The following THAP4 variants were observed in gnomAD, a reference collection of about 807,000 sequenced individuals.
THAP4 encodes peroxynitrite isomerase THAP4.
Under a neutral mutation model 48.1 loss-of-function variants are expected in THAP4, and 18 were observed. The observed-to-expected ratio is 0.37, with a 90% CI of 0.26 to 0.56. The LOEUF (loss-of-function observed/expected upper bound fraction) is 0.56. Ranked by LOEUF, THAP4 falls within the 20% of genes least tolerant of loss-of-function variation. THAP4 has a pLI of 0.78. For missense variants in THAP4, 656 were observed against 774.9 expected (o/e 0.85, Z 1.82); for synonymous variants, 345 against 324.9 (o/e 1.06, Z -0.66).
chr2:241,586,128 G>A (rs1306798970), intron 5 of THAP4, among the ~76,000 whole-genome samples: 2 of 150,812 alleles, frequency 1.3e-5, no homozygotes, highest in African/African-American at 4.9e-5. Context: ...GTGGTGGCGG[G>A]TGCCTGTAGT....
upstream of THAP4, chr2:241,637,461 G>A (rs776326800): frequency 2.7e-6 from 4 of 1,464,630 alleles, no homozygotes; most frequent in South Asian, 1.3e-5. Context: ...ATGGCACACA[G>A]TGTCCCGTCG....
At chr2:241,606,284 A>C (rs1334964286) in intron 3 of THAP4, 30 bp downstream of exon 3, 1 of 1,527,798 alleles carries the variant, frequency 6.5e-7, no homozygotes, top group Non-Finnish European at 8.8e-7. Flanking sequence ...CCATGAGTCA[A>C]GCAGGGTGGG....
rs780806360 is a variant in THAP4, at chr2:241,633,856, G to A, written c.301C>T (p.Arg101Trp). The A allele has an allele frequency of 6.2e-6, 10 of 1,613,602 alleles. No individual in the cohort carries two copies. The highest frequency in any genetic ancestry group is 4.0e-5 in the African/African-American group (3 of 74,924). Residue 101 changes from arginine to tryptophan, a missense_variant, in exon 2 of 6, where the codon CGG becomes TGG. Transcript: ENST00000407315. The surrounding 1 kb of genome is among the most constrained non-coding windows in gnomAD (Gnocchi z 7.5). ...KRGAGGHGRT[R>W]RKDASKATGG... ...GTGGCCTTGCTGGCATCTTTTCTCCGGGTGCGGCCATGGCCTCCAGCCCCC... is the reference window on the plus strand; with the variant it reads ...GTGGCCTTGCTGGCATCTTTTCTCCAGGTGCGGCCATGGCCTCCAGCCCCC...
chr2:241,635,476 C>G (rs572537394), intron 1 of THAP4, among the ~76,000 whole-genome samples: 36 of 152,254 alleles, frequency 2.4e-4, no homozygotes, highest in Admixed American at 2.0e-3. Context: ...AGGCCTGGGC[C>G]GGGCGGGGTG....
In THAP4 at chr2:241,633,371, C is replaced by T. The variant is rs1182696542; in HGVS notation, c.786G>A (p.Lys262=). The change falls in exon 2 of 6, where the codon AAG becomes AAA. Residue 262 remains lysine (K), a synonymous_variant. Coordinates refer to ENST00000407315, the MANE Select transcript of THAP4 (RefSeq NM_015963.6). The surrounding 1 kb of genome is among the most constrained non-coding windows in gnomAD (Gnocchi z 7.5). The part of the protein sequence containing the change: ...PREPIDRKRL[K]KDVEPSCSGS... ...CACTGCAGCTTGGTTCCACATCTTTCTTCAGCCTCTTGCGGTCAATGGGCT... is the reference window on the plus strand; with the variant it reads ...CACTGCAGCTTGGTTCCACATCTTTTTTCAGCCTCTTGCGGTCAATGGGCT... The T allele has an allele frequency of 1.2e-6, 2 of 1,613,116 alleles. No homozygotes were observed. The highest frequency in any genetic ancestry group is 2.2e-5 in the East Asian group (1 of 44,862).
rs112126472 is a variant in THAP4 at position 241,599,532 on chromosome 2, A to T, written c.1614+2364T>A. 5.4e-3 allele frequency among the ~76,000 whole-genome samples: 825 copies of T among 152,322 alleles called. 8 individuals are homozygous for T. The highest frequency in any genetic ancestry group is 0.019 in the African/African-American group (796 of 41,582). On this transcript the variant is annotated intron_variant, in intron 5 of 5. Coordinates refer to ENST00000407315, the MANE Select transcript of THAP4 (RefSeq NM_015963.6). Reference sequence around the variant, plus strand: ...AATCTATTTACAAGCAACAAAAATGATAAAACACTTGAGTTTACCCTAACA... The same window carrying T: ...AATCTATTTACAAGCAACAAAAATGTTAAAACACTTGAGTTTACCCTAACA...
At chr2:241,607,905 A>T (rs2067206105) in intron 2 of THAP4, among the ~76,000 whole-genome samples, 1 of 106,714 alleles carries the variant, frequency 9.4e-6, no homozygotes, top group African/African-American at 3.9e-5. Context: ...AAGACAGCTG[A>T]CGGGGACAGG....
In THAP4 at chr2:241,636,948, A is replaced by G; in HGVS notation, c.70T>C (p.Phe24Leu). 7.7e-7 allele frequency: 1 copy of G among 1,294,250 alleles called. No homozygotes were observed. Among genetic ancestry groups the G allele is most frequent in the Non-Finnish European group, 1.0e-6 (1 of 996,968 alleles). 80.2% of individuals were successfully genotyped at this position (1,294,250 alleles called of 1,614,324 possible). The change falls in exon 1 of 6, where the codon TTC (phenylalanine) becomes CTC (leucine). Residue 24 changes from phenylalanine (F) to leucine (L), a missense_variant. Physicochemically the swap from Phe to Leu is conservative, Grantham distance 22. Transcript: ENST00000407315. The part of the protein sequence containing the change: ...QGKGEKRAVS[F>L]HRFPLKDSKR... ...GGCCCGGGGCCCGCGTACCTGTGGA[A>G]GGAGACGGCGCGCTTCTCGCCCTTT... is the stretch of plus-strand genomic sequence containing the variant.
At position 241,636,986 on chromosome 2, in the gene THAP4, G is replaced by T. The variant is rs545235732; in HGVS notation, c.32C>A (p.Ser11Tyr). Residue 11 changes from serine (S) to tyrosine (Y), a missense_variant, in exon 1 of 6, where the codon TCC becomes TAC. Physicochemically the swap from Ser to Tyr is moderately radical, Grantham distance 144. Coordinates refer to ENST00000407315, the MANE Select transcript of THAP4 (RefSeq NM_015963.6). MVICCAAVNCSNRQGKGEKRA... is the reference protein window; with the variant it reads MVICCAAVNCYNRQGKGEKRA... The stretch of plus-strand genomic sequence containing the variant: ...CTTCTCGCCCTTTCCCTGCCGGTTG[G>T]AGCAGTTCACGGCCGCACAGCAGAT... 3.9e-5 allele frequency: 52 copies of T among 1,330,724 alleles called. 1 individual carries two copies. In the South Asian group the frequency reaches 5.6e-4, roughly 14 times the overall value. 82.4% of individuals were successfully genotyped at this position (1,330,724 alleles called of 1,614,324 possible). A position where few individuals can be genotyped will look rare whatever the true frequency, so the allele number is the denominator to read the frequency against.
intron 2 of THAP4, among the ~76,000 whole-genome samples, chr2:241,628,035 C>T (rs963572964): frequency 1.2e-4 from 18 of 152,264 alleles, no homozygotes; most frequent in Admixed American, 4.6e-4. Flanking sequence ...GCCCCCTCTC[C>T]GCCCAGCTCC....
At chr2:241,605,741 G>A (rs968093373) in intron 3 of THAP4, among the ~76,000 whole-genome samples, 1 of 151,368 alleles carries the variant, frequency 6.6e-6, no homozygotes, top group African/African-American at 2.4e-5. Flanking sequence ...TTTGAGACAG[G>A]TTCTCACTCT....
chr2:241,623,355 A>T (rs2067458309), intron 2 of THAP4, among the ~76,000 whole-genome samples: 1 of 152,166 alleles, frequency 6.6e-6, no homozygotes, highest in East Asian at 1.9e-4. Context: ...TGAGCCAGGC[A>T]GATAGCTTGA....
intron 5 of THAP4, among the ~76,000 whole-genome samples, chr2:241,597,106 G>A (rs966109896): frequency 3.3e-5 from 5 of 152,236 alleles, no homozygotes; most frequent in African/African-American, 1.2e-4. Context: ...ATCATAAGTG[G>A]GGTCTGTCAG....
At chr2:241,620,956 G>C (rs967169434) in intron 2 of THAP4, among the ~76,000 whole-genome samples, 4 of 151,742 alleles carry the variant, frequency 2.6e-5, no homozygotes, top group African/African-American at 9.7e-5. Context: ...AACGAGACAT[G>C]CTAAAAGGCA....
chr2:241,599,212 A>T (rs1364742744), intron 5 of THAP4, among the ~76,000 whole-genome samples: 1 of 151,522 alleles, frequency 6.6e-6, no homozygotes, highest in Non-Finnish European at 1.5e-5. Context: ...AGATCGTGCC[A>T]CTGCATTCCA....
At chr2:241,627,247 C>A (rs2067505090) in intron 2 of THAP4, among the ~76,000 whole-genome samples, 2 of 152,056 alleles carry the variant, frequency 1.3e-5, no homozygotes, top group South Asian at 4.1e-4. Flanking sequence ...TTTTGACAAT[C>A]CAGATTTCAA....
At chr2:241,598,330 A>C (rs1372003761) in intron 5 of THAP4, among the ~76,000 whole-genome samples, 1 of 152,208 alleles carries the variant, frequency 6.6e-6, no homozygotes, top group Admixed American at 6.5e-5. Context: ...AAAAGCTAAG[A>C]AGCTCCCAGC....
At chr2:241,600,256 G>T (rs1190679886) in intron 5 of THAP4, among the ~76,000 whole-genome samples, 1 of 152,170 alleles carries the variant, frequency 6.6e-6, no homozygotes, top group Non-Finnish European at 1.5e-5. Context: ...GTGCTTTAAT[G>T]TATGTATGAC....
intron 2 of THAP4, among the ~76,000 whole-genome samples, chr2:241,618,522 T>C (rs1001313486): frequency 1.3e-5 from 2 of 152,060 alleles, no homozygotes; most frequent in African/African-American, 4.8e-5. Flanking sequence ...GTAAAGAGCT[T>C]AGGAGTCATA....
Sources: allele counts gnomAD v4.1 joint callset (sites outside exome capture counted in the v4.1 genomes callset), GRCh38; gene constraint gnomAD v4.1.1; non-coding constraint Gnocchi (gnomAD v3.1); transcripts MANE v1.5; gene names NCBI Gene and HGNC (gene_info 2026-07-23, HGNC 2026-07-21).